Variants in SIPA1L2 observed in about 807,000 individuals in gnomAD.
The protein encoded by SIPA1L2 is signal induced proliferation associated 1 like 2, also known as signal-induced proliferation-associated 1-like protein 2.
Under a neutral mutation model 163.9 loss-of-function variants are expected in SIPA1L2, and 56 were observed. The observed-to-expected ratio is 0.34, with a 90% confidence interval of 0.28 to 0.43. The LOEUF (loss-of-function observed/expected upper bound fraction) is 0.43. Ranked by LOEUF, SIPA1L2 falls within the 20% of genes least tolerant of loss-of-function variation. The pLI is 1.00. For synonymous variants in SIPA1L2, 877 were observed against 865.7 expected (o/e 1.01, Z -0.23); for missense variants, 1,974 against 2,193.5 (o/e 0.90, Z 2.00).
chr1:232,517,724 G>A (rs1667275385), intron 2 of SIPA1L2, among the ~76,000 whole-genome samples: 4 of 152,102 alleles, frequency 2.6e-5, no homozygotes. Flanking sequence ...GTGAAAAAAT[G>A]GAAGACACCA....
intron 6 of SIPA1L2, 50 bp downstream of exon 6, chr1:232,483,742 C>A (rs1665503185): frequency 1.2e-6 from 2 of 1,602,672 alleles, no homozygotes; most frequent in Non-Finnish European, 1.7e-6. Context: ...ATGAAGCATG[C>A]CTACCTTTGG....
intron 1 of SIPA1L2, among the ~76,000 whole-genome samples, chr1:232,599,334 C>G (rs1406389107): frequency 6.6e-6 from 1 of 152,206 alleles, no homozygotes; most frequent in Non-Finnish European, 1.5e-5. Context: ...AGCTTGCTCC[C>G]AACACCTGTA....
At chr1:232,507,176 A>AT (rs11373672) in intron 3 of SIPA1L2, among the ~76,000 whole-genome samples, 94,132 of 146,740 alleles carry the variant, frequency 0.64, 32,121 homozygotes, top group Non-Finnish European at 0.79. Flanking sequence ...ACGGTCTGTG[A>AT]TTTTTTTTTT....
chr1:232,526,864 G>A (rs1189113363), intron 2 of SIPA1L2, among the ~76,000 whole-genome samples: 2 of 152,146 alleles, frequency 1.3e-5, no homozygotes, highest in East Asian at 1.9e-4. Context: ...TCAAGACTGT[G>A]CCCAAGGACT....
At chr1:232,598,559 A>G (rs1661408630) in intron 1 of SIPA1L2, among the ~76,000 whole-genome samples, 1 of 152,210 alleles carries the variant, frequency 6.6e-6, no homozygotes, top group Non-Finnish European at 1.5e-5. Context: ...CAAGCTGGGT[A>G]GCTTATAAAC....
chr1:232,619,585 G>T (rs1313238549), intron 1 of SIPA1L2, among the ~76,000 whole-genome samples: 2 of 152,202 alleles, frequency 1.3e-5, no homozygotes, highest in East Asian at 3.8e-4. Flanking sequence ...TAAATTCTAA[G>T]AGTCAGTTAA....
chr1:232,550,431 C>G (rs1221406921), intron 2 of SIPA1L2, among the ~76,000 whole-genome samples: 1 of 152,160 alleles, frequency 6.6e-6, no homozygotes, highest in Non-Finnish European at 1.5e-5. Context: ...ACAGGATTGC[C>G]AACCACAAGA....
At chr1:232,523,772 C>A (rs1359404978) in intron 2 of SIPA1L2, among the ~76,000 whole-genome samples, 1 of 152,154 alleles carries the variant, frequency 6.6e-6, no homozygotes, top group African/African-American at 2.4e-5. Flanking sequence ...TGGTGTTCAA[C>A]AAAACTAACA....
At chr1:232,486,486 G>T (rs888449073) in intron 5 of SIPA1L2, among the ~76,000 whole-genome samples, 2 of 152,192 alleles carry the variant, frequency 1.3e-5, no homozygotes, top group Non-Finnish European at 2.9e-5. Context: ...GACTAAAGCA[G>T]ATTTCAAGGC....
chr1:232,537,670 G>A (rs1015189773), intron 2 of SIPA1L2, among the ~76,000 whole-genome samples: 1 of 152,194 alleles, frequency 6.6e-6, no homozygotes, highest in African/African-American at 2.4e-5. Context: ...CAGAACCACA[G>A]CTCTACTTAC....
At chr1:232,518,664 G>A (rs75827724) in intron 2 of SIPA1L2, among the ~76,000 whole-genome samples, 7 of 151,896 alleles carry the variant, frequency 4.6e-5, no homozygotes, top group African/African-American at 1.2e-4. Context: ...CTCTCTCCCC[G>A]CAACTGGGTG....
chr1:232,501,843 G>A (rs928501163), intron 3 of SIPA1L2, among the ~76,000 whole-genome samples: 21 of 152,182 alleles, frequency 1.4e-4, no homozygotes, highest in African/African-American at 5.1e-4. Context: ...CCATGATGGG[G>A]GACGCAGGAG....
chr1:232,520,616 C>T (rs1667420408), intron 2 of SIPA1L2, among the ~76,000 whole-genome samples: 1 of 152,034 alleles, frequency 6.6e-6, no homozygotes, highest in South Asian at 2.1e-4. Flanking sequence ...AAATTACGAG[C>T]CCCATTCAAG....
chr1:232,622,536 A>T (rs75169952), intron 1 of SIPA1L2, among the ~76,000 whole-genome samples: 1 of 152,214 alleles, frequency 6.6e-6, no homozygotes, highest in African/African-American at 2.4e-5. Context: ...ATGGGATTCA[A>T]ATAGGGCTAT....
At chr1:232,587,318 G>A (rs1451614186) in intron 1 of SIPA1L2, among the ~76,000 whole-genome samples, 2 of 151,754 alleles carry the variant, frequency 1.3e-5, no homozygotes, top group East Asian at 1.9e-4. Context: ...GGCCCCACAC[G>A]TCTATCACCA....
chr1:232,412,859 T>C (rs1169749376), intron 19 of SIPA1L2, among the ~76,000 whole-genome samples: 1 of 152,214 alleles, frequency 6.6e-6, no homozygotes, highest in Non-Finnish European at 1.5e-5. Context: ...CCACATTATT[T>C]TATCTATCAA....
chr1:232,605,327 G>A (rs1417889552), intron 1 of SIPA1L2, among the ~76,000 whole-genome samples: 1 of 152,182 alleles, frequency 6.6e-6, no homozygotes, highest in Non-Finnish European at 1.5e-5. Context: ...ACCCAAGGTA[G>A]TACAGACTTC....
intron 2 of SIPA1L2, among the ~76,000 whole-genome samples, chr1:232,564,567 C>T (rs1659290252): frequency 6.6e-6 from 1 of 151,912 alleles, no homozygotes; most frequent in Non-Finnish European, 1.5e-5. Context: ...CAATAGGCAG[C>T]TACAAGAAAC....
At chr1:232,506,241 T>C (rs1326883124) in intron 3 of SIPA1L2, among the ~76,000 whole-genome samples, 2 of 152,216 alleles carry the variant, frequency 1.3e-5, no homozygotes, top group Non-Finnish European at 2.9e-5. Flanking sequence ...GGAAAAGTCT[T>C]ACACATTTAT....
Sources: allele counts gnomAD v4.1 joint callset (sites outside exome capture counted in the v4.1 genomes callset), GRCh38; gene constraint gnomAD v4.1.1; transcripts MANE v1.5; gene names NCBI Gene and HGNC (gene_info 2026-07-23, HGNC 2026-07-21).